Variants in CEP164 observed in about 807,000 individuals in gnomAD.
CEP164 encodes centrosomal protein 164.
CEP164 carries 162 observed loss-of-function variants against 182.7 expected under a neutral mutation model. That is an observed-to-expected ratio of 0.89 (90% CI 0.78 to 1.01). The LOEUF (loss-of-function observed/expected upper bound fraction) is 1.01, where lower values mean the gene tolerates loss of function less well. CEP164 is among the 50% of genes least tolerant of loss of function. The pLI is 0.00. For synonymous variants in CEP164, 661 were observed against 690.0 expected (o/e 0.96, Z 0.66); for missense variants, 1,735 against 1,790.4 (o/e 0.97, Z 0.56).
rs2044944468 is a variant in CEP164 at position 117,393,215 on chromosome 11, GCACATGCACA to G, written c.2616+94_2616+103del. ...CACACACATGCACACACACATGCACGCACATGCACACACACCCCGGGGTCCTTCCCACCTG... is the reference window on the plus strand; with the variant it reads ...CACACACATGCACACACACATGCACGCACACCCCGGGGTCCTTCCCACCTG... On this transcript the variant is annotated intron_variant, in intron 20 of 32. Coordinates refer to ENST00000278935, the MANE Select transcript of CEP164 (RefSeq NM_014956.5). 3.3e-6 allele frequency: 5 copies of G among 1,515,278 alleles called. No individual in the cohort carries two copies. In the South Asian group the frequency reaches 6.1e-5, roughly 18 times the overall value. The allele number at this position is 1,515,278 out of a possible 1,614,324, so 93.9% of individuals were successfully genotyped here. A position where few individuals can be genotyped will look rare whatever the true frequency, so the allele number is the denominator to read the frequency against.
rs1199425322 is a variant in CEP164 at position 117,339,515 on chromosome 11, G to GTTTTTTTTTTTTTTTTTTTT, written c.82+853_82+854insTTTTTTTTTTTTTTTTTTTT. On this transcript the variant is annotated intron_variant, in intron 3 of 32. Coordinates refer to ENST00000278935, the MANE Select transcript of CEP164 (RefSeq NM_014956.5). ...GTATTACCTTATTACCTTTTCCTTT[G>GTTTTTTTTTTTTTTTTTTTT]TTTTTTGTTTTTTTTTTTTTTTTTT... Among the ~76,000 whole-genome samples, 2 of 90,870 alleles carry GTTTTTTTTTTTTTTTTTTTT rather than the reference G, an allele frequency of 2.2e-5. 1 individual carries two copies. Among genetic ancestry groups the GTTTTTTTTTTTTTTTTTTTT allele is most frequent in the Non-Finnish European group, 4.1e-5 (2 of 48,374 alleles). 59.6% of individuals were successfully genotyped at this position (90,870 alleles called of 152,430 possible). A position where few individuals can be genotyped will look rare whatever the true frequency, so the allele number is the denominator to read the frequency against.
upstream of CEP164, among the ~76,000 whole-genome samples, chr11:117,325,707 GA>G (rs1239665318): frequency 1.3e-5 from 2 of 152,096 alleles, no homozygotes; most frequent in African/African-American, 4.8e-5. Context: ...AGAAGATGGA[GA>G]GGAAAGGGGA....
upstream of CEP164, among the ~76,000 whole-genome samples, chr11:117,327,550 C>T (rs1369128086): frequency 6.6e-6 from 1 of 151,514 alleles, no homozygotes; most frequent in African/African-American, 2.4e-5. Context: ...GACCCACCCG[C>T]CTCGGCCTCC....
At chr11:117,344,125 T>C (rs1235457384) in intron 3 of CEP164, 41 bp from the exon 4 acceptor site, 3 of 1,208,830 alleles carry the variant, frequency 2.5e-6, no homozygotes, top group Non-Finnish European at 3.6e-6. Context: ...TTTTTCTTCT[T>C]TTCATCTCTC....
Position 117,372,663 on chromosome 11 carries a change from C to T in CEP164, c.1153-1088C>T, listed in dbSNP as rs532601110. Among the ~76,000 whole-genome samples, 352 of 152,234 alleles carry T rather than the reference C, an allele frequency of 2.3e-3. 2 individuals carry two copies. Among genetic ancestry groups the T allele is most frequent in the African/African-American group, 7.9e-3 (330 of 41,544 alleles). ...AACTCCCGACCTCAGGTGATCTGCCCGCCTTGGCCTCCTAAAGTGCTGGGA... is the reference window on the plus strand; with the variant it reads ...AACTCCCGACCTCAGGTGATCTGCCTGCCTTGGCCTCCTAAAGTGCTGGGA... On this transcript the variant is annotated intron_variant, in intron 9 of 32. Coordinates refer to ENST00000278935, the MANE Select transcript of CEP164 (RefSeq NM_014956.5).
intron 4 of CEP164, among the ~76,000 whole-genome samples, chr11:117,349,071 G>A (rs2039305910): frequency 6.6e-6 from 1 of 151,658 alleles, no homozygotes; most frequent in East Asian, 1.9e-4. Flanking sequence ...CACCCAGGCT[G>A]GAGTGCAGTG....
rs1431305580 is a variant in CEP164 at position 117,408,926 on chromosome 11, A to G, written c.3646A>G (p.Lys1216Glu). ...GGGCACTCTGGGAGGATCCCCCACC[A>G]AGAAGGCAGTAACCTTCGACCTCAG... ...DEGTLGGSPTKKAVTFDLSDM... is the reference protein window; with the variant it reads ...DEGTLGGSPTEKAVTFDLSDM... The change falls in exon 29 of 33, where the codon AAG (lysine) becomes GAG (glutamate). Residue 1216 changes from lysine to glutamate, a missense_variant. Coordinates refer to ENST00000278935, the MANE Select transcript of CEP164 (RefSeq NM_014956.5). 3 of 1,613,994 alleles carry G rather than the reference A, an allele frequency of 1.9e-6. No individual in the cohort carries two copies. Among genetic ancestry groups the G allele is most frequent in the Non-Finnish European group, 2.5e-6 (3 of 1,180,022 alleles).
upstream of CEP164, among the ~76,000 whole-genome samples, chr11:117,325,502 C>T (rs375230486): frequency 1.3e-5 from 2 of 152,200 alleles, no homozygotes; most frequent in Non-Finnish European, 2.9e-5. Context: ...TCTCCTGCCT[C>T]GGCCTCCCGA....
intron 3 of CEP164, among the ~76,000 whole-genome samples, chr11:117,339,787 C>T (rs1188548437): frequency 2.0e-5 from 3 of 151,898 alleles, no homozygotes; most frequent in African/African-American, 7.3e-5. Context: ...ACCTCCACTT[C>T]CCAGAGTGCT....
At chr11:117,378,893 A>T (rs2043021922) in intron 11 of CEP164, among the ~76,000 whole-genome samples, 1 of 152,210 alleles carries the variant, frequency 6.6e-6, no homozygotes. Flanking sequence ...CTTATGGTGT[A>T]TGGCTGATAG....
chr11:117,332,348 G>C (rs970754632), intron 1 of CEP164, among the ~76,000 whole-genome samples: 2 of 152,136 alleles, frequency 1.3e-5, no homozygotes, highest in African/African-American at 4.8e-5. Context: ...GCCGAGGCGG[G>C]TGGATCACCT....
chr11:117,358,509 A>T (rs1002382001), intron 5 of CEP164, among the ~76,000 whole-genome samples: 1 of 150,034 alleles, frequency 6.7e-6, no homozygotes, highest in African/African-American at 2.5e-5. Flanking sequence ...AACCTTGAAG[A>T]AGCTTTCTTG....
At chr11:117,353,146 C>G (rs1290418378) in intron 5 of CEP164, among the ~76,000 whole-genome samples, 1 of 152,132 alleles carries the variant, frequency 6.6e-6, no homozygotes, top group Non-Finnish European at 1.5e-5. Flanking sequence ...TCAGCTCAGC[C>G]AGTGGGGAGC....
At chr11:117,336,325 A>G (rs2037108625) in intron 2 of CEP164, 2 of 1,489,780 alleles carry the variant, frequency 1.3e-6, no homozygotes, top group Non-Finnish European at 1.9e-6. Context: ...GTCCGCTGTC[A>G]CTGCTGGTCT....
rs766386152 is a variant in CEP164, at chr11:117,382,790, A to G, written c.1578-6A>G. 5 of 1,613,690 alleles carry G rather than the reference A, an allele frequency of 3.1e-6. No homozygotes were observed. Among genetic ancestry groups the G allele is most frequent in the Non-Finnish European group, 4.2e-6 (5 of 1,179,804 alleles). On this transcript the variant is annotated splice_region_variant and splice_polypyrimidine_tract_variant and intron_variant, in intron 13 of 32. Transcript: ENST00000278935. ...TTAACACAGTTGTTTCCTTACTGCT[A>G]TCAAGGGAGCAGGCCCCAAGCCCAC...
chr11:117,356,558 C>T, intron 5 of CEP164: 15 of 1,289,248 alleles, frequency 1.2e-5, no homozygotes, highest in Non-Finnish European at 1.5e-5. Context: ...GGGGCTAGTC[C>T]AGCAGAGCTC....
chr11:117,345,860 T>C (rs1338285456), intron 4 of CEP164, among the ~76,000 whole-genome samples: 1 of 152,196 alleles, frequency 6.6e-6, no homozygotes, highest in Non-Finnish European at 1.5e-5. Context: ...GCTAATTTTG[T>C]ATTTTTAGTA....
At chr11:117,397,410 C>G (rs572361865) in intron 27 of CEP164, 97 bp downstream of exon 27, 3 of 1,221,924 alleles carry the variant, frequency 2.5e-6, no homozygotes, top group Non-Finnish European at 3.4e-6. Context: ...TGGTCATTCT[C>G]GGGACTCCAT....
At chr11:117,342,018 C>A (rs551548556) in intron 3 of CEP164, among the ~76,000 whole-genome samples, 1 of 152,154 alleles carries the variant, frequency 6.6e-6, no homozygotes, top group East Asian at 1.9e-4. Context: ...GAGGAATGCT[C>A]TTCCACCCTG....
Sources: gnomAD v4.1 joint callset for allele counts (sites outside exome capture counted in the v4.1 genomes callset) on GRCh38, gnomAD v4.1.1 for gene constraint, MANE v1.5 for transcripts, NCBI Gene and HGNC (gene_info 2026-07-23, HGNC 2026-07-21) for gene names.